The following EML5 variants were observed in gnomAD, a reference collection of about 807,000 sequenced individuals.
EML5 encodes the protein EMAP like 5, also known as echinoderm microtubule-associated protein-like 5.
A neutral mutation model predicts 250.0 loss-of-function variants in EML5; 120 were observed. The observed-to-expected ratio is 0.48, with a 90% CI of 0.41 to 0.56. The LOEUF (loss-of-function observed/expected upper bound fraction) is 0.56, where lower values mean the gene tolerates loss of function less well. Among genes scored for constraint, EML5 ranks in the 20% least tolerant of loss-of-function variants. The pLI, the probability that EML5 is intolerant of heterozygous loss-of-function variation, is 0.00. For synonymous variants in EML5, 771 were observed against 806.5 expected, an observed-to-expected ratio of 0.96 and a Z score of 0.75; for missense variants, 2,006 against 2,437.6, an observed-to-expected ratio of 0.82 and a Z score of 3.73.
chr14:88,633,276 G>T (rs557594027), intron 33 of EML5, among the ~76,000 whole-genome samples: 2 of 152,098 alleles, frequency 1.3e-5, no homozygotes, highest in South Asian at 4.2e-4. Flanking sequence ...AGGTATTTTA[G>T]TTTTTATTTA....
chr14:88,763,288 A>G (rs2094273980), intron 1 of EML5, among the ~76,000 whole-genome samples: 2 of 150,018 alleles, frequency 1.3e-5, no homozygotes, highest in South Asian at 4.2e-4. Flanking sequence ...AGAGAGAAGA[A>G]TCAAATAGAC....
chr14:88,726,127 A>T (rs2093663168), intron 8 of EML5, among the ~76,000 whole-genome samples: 1 of 152,222 alleles, frequency 6.6e-6, no homozygotes, highest in Non-Finnish European at 1.5e-5. Flanking sequence ...AAGAGATGGA[A>T]GCATTTTTTA....
At chr14:88,628,284 C>A (rs989145881) in intron 33 of EML5, among the ~76,000 whole-genome samples, 3 of 151,970 alleles carry the variant, frequency 2.0e-5, no homozygotes, top group African/African-American at 7.2e-5. Flanking sequence ...AGATAGGAAA[C>A]CACCTGAATA....
At chr14:88,725,450 C>T (rs908844584) in intron 8 of EML5, among the ~76,000 whole-genome samples, 10 of 151,890 alleles carry the variant, frequency 6.6e-5, no homozygotes, top group South Asian at 2.1e-4. Context: ...TTAAAGAGTA[C>T]GAAGTTTCAG....
chr14:88,650,790 T>G (rs572419206), intron 27 of EML5, among the ~76,000 whole-genome samples: 1 of 152,228 alleles, frequency 6.6e-6, no homozygotes, highest in Non-Finnish European at 1.5e-5. Flanking sequence ...TACAGGCATG[T>G]ACTACCATTC....
At chr14:88,678,147 T>C (rs1282314702) in intron 21 of EML5, among the ~76,000 whole-genome samples, 1 of 152,126 alleles carries the variant, frequency 6.6e-6, no homozygotes, top group Non-Finnish European at 1.5e-5. Context: ...TGTGGGGACA[T>C]GATGGAGCTG....
intron 27 of EML5, among the ~76,000 whole-genome samples, chr14:88,654,874 G>T (rs765192675): frequency 3.2e-4 from 49 of 152,070 alleles, no homozygotes; most frequent in Non-Finnish European, 4.6e-4. Context: ...TGACAGTGGG[G>T]TGTTAAAGTC....
At chr14:88,772,671 T>A (rs2094405853) in intron 1 of EML5, among the ~76,000 whole-genome samples, 1 of 151,946 alleles carries the variant, frequency 6.6e-6, no homozygotes, top group Non-Finnish European at 1.5e-5. Flanking sequence ...AAGAATCGCT[T>A]GAACCTGGGA....
At chr14:88,685,352 G>T (rs1038754442) in intron 19 of EML5, among the ~76,000 whole-genome samples, 1 of 152,104 alleles carries the variant, frequency 6.6e-6, no homozygotes, top group Non-Finnish European at 1.5e-5. Flanking sequence ...ATAAGTCTAT[G>T]ATTCTATTCT....
At chr14:88,751,507 GTTTT>G in intron 2 of EML5, among the ~76,000 whole-genome samples, 1 of 151,252 alleles carries the variant, frequency 6.6e-6, no homozygotes, top group Admixed American at 6.6e-5. Flanking sequence ...AAGAGGAAGA[GTTTT>G]TTTTTGTTTG....
chr14:88,668,274 T>C (rs2092360337), intron 21 of EML5, among the ~76,000 whole-genome samples: 1 of 152,024 alleles, frequency 6.6e-6, no homozygotes, highest in Non-Finnish European at 1.5e-5. Flanking sequence ...AGTGTACATA[T>C]GAAAAGAAAA....
intron 21 of EML5, among the ~76,000 whole-genome samples, chr14:88,666,191 C>CA (rs1340127455): frequency 2.6e-5 from 4 of 151,968 alleles, no homozygotes; most frequent in Admixed American, 1.3e-4. Flanking sequence ...AGCTTCTTTC[C>CA]AAAAAAACAG....
At chr14:88,618,622 A>G in intron 40 of EML5, 28 bp downstream of exon 40, 2 of 1,583,448 alleles carry the variant, frequency 1.3e-6, no homozygotes, top group Non-Finnish European at 1.7e-6. Flanking sequence ...AGAACTTGCC[A>G]CCTGGGTATA....
At chr14:88,699,568 A>G (rs1476382099) in intron 14 of EML5, among the ~76,000 whole-genome samples, 2 of 152,200 alleles carry the variant, frequency 1.3e-5, no homozygotes, top group Non-Finnish European at 2.9e-5. Context: ...TAGAAAGATT[A>G]CTAGTGAATG....
At chr14:88,661,351 A>G (rs1336419465) in intron 25 of EML5, among the ~76,000 whole-genome samples, 1 of 152,224 alleles carries the variant, frequency 6.6e-6, no homozygotes, top group African/African-American at 2.4e-5. Context: ...TCAGGCTCCC[A>G]AAGTACTATA....
At chr14:88,772,049 A>T (rs1254358776) in intron 1 of EML5, among the ~76,000 whole-genome samples, 1 of 152,218 alleles carries the variant, frequency 6.6e-6, no homozygotes, top group Non-Finnish European at 1.5e-5. Context: ...CCTAAAGAGA[A>T]TCTGATTTCC....
chr14:88,698,477 G>A (rs1002153983), intron 14 of EML5, among the ~76,000 whole-genome samples: 15 of 151,922 alleles, frequency 9.9e-5, no homozygotes, highest in Non-Finnish European at 1.9e-4. Context: ...ACGTGTCCAG[G>A]CTGGTCTTGA....
At chr14:88,769,443 C>A (rs958955866) in intron 1 of EML5, among the ~76,000 whole-genome samples, 1 of 152,174 alleles carries the variant, frequency 6.6e-6, no homozygotes, top group South Asian at 2.1e-4. Flanking sequence ...AACTGTGAGC[C>A]AGCTAAACCT....
In EML5 at chr14:88,626,488, T is replaced by C. The variant is rs2089961852; in HGVS notation, c.4740+350A>G. ...TGAAAGAAAAATTAGCCTAGCATGG[T>C]GGTTCCTGCCCTGTAGTCCCAGCTA... is the stretch of plus-strand genomic sequence containing the variant. On this transcript the variant is annotated intron_variant, in intron 35 of 43. Transcript: ENST00000554922. The C allele has an allele frequency of 1.9e-5, 4 of 205,712 alleles. No individual in the cohort carries two copies. The Admixed American group carries it at 2.1e-4, about 11-fold the overall frequency. 12.7% of individuals were successfully genotyped at this position (205,712 alleles called of 1,614,324 possible).
Sources: gnomAD v4.1 joint callset for allele counts (sites outside exome capture counted in the v4.1 genomes callset) on GRCh38, gnomAD v4.1.1 for gene constraint, MANE v1.5 for transcripts, NCBI Gene and HGNC (gene_info 2026-07-23, HGNC 2026-07-21) for gene names.